SRP68: variants seen among roughly 807,000 people sequenced by gnomAD.
SRP68 encodes signal recognition particle subunit SRP68.
SRP68 carries 15 observed loss-of-function variants against 82.2 expected under a neutral mutation model. That is an observed-to-expected ratio of 0.18 (90% CI 0.12 to 0.28). The LOEUF (loss-of-function observed/expected upper bound fraction) is 0.28, where lower values mean the gene tolerates loss of function less well. Among genes scored for constraint, SRP68 ranks in the 10% least tolerant of loss-of-function variants. The pLI is 1.00. For missense variants in SRP68, 595 were observed against 780.5 expected (o/e 0.76, Z 2.83); for synonymous variants, 261 against 292.6 (o/e 0.89, Z 1.10).
At chr17:76,066,607 T>G (rs1192210708) in intron 3 of SRP68, among the ~76,000 whole-genome samples, 1 of 126,998 alleles carries the variant, frequency 7.9e-6, no homozygotes, top group Non-Finnish European at 1.7e-5. Flanking sequence ...TCCCAACAGG[T>G]TTTTTTTTTT....
intron 10 of SRP68, among the ~76,000 whole-genome samples, chr17:76,047,320 A>G (rs2066639434): frequency 6.6e-6 from 1 of 152,146 alleles, no homozygotes; most frequent in Non-Finnish European, 1.5e-5. Flanking sequence ...CATTTGCCTC[A>G]GCCTCCCAAA....
chr17:76,067,170 A>C (rs1344582692), intron 3 of SRP68, 47 bp downstream of exon 3: 1 of 1,349,302 alleles, frequency 7.4e-7, no homozygotes, highest in Non-Finnish European at 1.1e-6. Flanking sequence ...TGTTCAATAA[A>C]TGTATTAGCA....
At position 76,063,940 on chromosome 17, in the gene SRP68, C is replaced by T. The variant is rs756481245; in HGVS notation, c.561+36G>A. Reference sequence around the variant, plus strand: ...TGCAGCTTTTTAAAATGTCTTTAATCTCCACAATAAACAAGCTGAATGTTG... The same window carrying T: ...TGCAGCTTTTTAAAATGTCTTTAATTTCCACAATAAACAAGCTGAATGTTG... On this transcript the variant is annotated intron_variant, in intron 4 of 15. Transcript: ENST00000307877. The T allele has an allele frequency of 3.2e-6, 5 of 1,557,306 alleles. No individual in the cohort carries two copies. In the African/African-American group the frequency reaches 6.8e-5, roughly 21 times the overall value.
rs1222457330 is a variant in SRP68, at chr17:76,071,297, C to A, written c.185-853G>T. On this transcript the variant is annotated intron_variant, in intron 1 of 15. Coordinates refer to ENST00000307877, the MANE Select transcript of SRP68 (RefSeq NM_014230.4). The surrounding 1 kb of genome is among the most constrained non-coding windows in gnomAD (Gnocchi z 4.7). ...TTTGCATAAAAGTATTAAGGTTTTT[C>A]TTTCAAAAGAAGAATGGCCAGATTC... Among the ~76,000 whole-genome samples, 1 of 152,088 alleles carries A rather than the reference C, an allele frequency of 6.6e-6. No individual in the cohort carries two copies. The highest frequency in any genetic ancestry group is 1.9e-4 in the East Asian group (1 of 5,198).
intron 8 of SRP68, among the ~76,000 whole-genome samples, chr17:76,056,708 A>G (rs984568118): frequency 2.6e-5 from 4 of 152,180 alleles, no homozygotes; most frequent in Non-Finnish European, 1.5e-5. Context: ...GGTGCAAAAG[A>G]TAACTGTGAG....
intron 8 of SRP68, chr17:76,053,342 G>T (rs952977535): frequency 1.2e-5 from 5 of 410,666 alleles, no homozygotes; most frequent in African/African-American, 4.3e-5. Context: ...TACGGCGCCC[G>T]TTTTAATTCC....
At chr17:76,057,056 C>A (rs545866143) in intron 8 of SRP68, among the ~76,000 whole-genome samples, 3 of 152,308 alleles carry the variant, frequency 2.0e-5, no homozygotes, top group African/African-American at 7.2e-5. Flanking sequence ...TAGGAGGTTA[C>A]GACAACATGT....
chr17:76,043,847 G>C lies in SRP68; in HGVS notation c.1506C>G (p.Ala502=). The C allele has an allele frequency of 6.2e-7, 1 of 1,603,400 alleles. No homozygotes were observed. The highest frequency in any genetic ancestry group is 8.5e-7 in the Non-Finnish European group (1 of 1,177,152). ...CTCTCACCTTTAGGCTGTTCTTGAA[G>C]GCGCCAGCATCAGAATTTACTTCAT... The part of the protein sequence containing the change: ...YANEVNSDAG[A]FKNSLKDLPD... The change falls in exon 13 of 16, where the codon GCC becomes GCG. Residue 502 remains alanine, a synonymous_variant. Transcript: ENST00000307877.
Position 76,070,555 on chromosome 17 carries a change from A to G in SRP68, c.185-111T>C, listed in dbSNP as rs890752757. 18 of 956,548 alleles carry G rather than the reference A, an allele frequency of 1.9e-5. No homozygotes were observed. The African/African-American group carries it at 3.0e-4, about 16-fold the overall frequency. The allele number at this position is 956,548 out of a possible 1,614,324, so 59.3% of individuals were successfully genotyped here. ...CCACAACACATTAAACATTTGTGAA[A>G]TATAGCCAGGTACGGTGGCTCATGC... is the stretch of plus-strand genomic sequence containing the variant. On this transcript the variant is annotated intron_variant, in intron 1 of 15. Transcript: ENST00000307877.
rs192810565 is a variant in SRP68 at position 76,048,729 on chromosome 17, G to C, written c.1078-759C>G. ...CACTAGATTTCTGACCTCGAGAAGC[G>C]TAAGATAATACATTTGGATCATCTT... is the stretch of plus-strand genomic sequence containing the variant. On this transcript the variant is annotated intron_variant, in intron 9 of 15. Coordinates refer to ENST00000307877, the MANE Select transcript of SRP68 (RefSeq NM_014230.4). 9 of 152,374 alleles carry C rather than the reference G, an allele frequency of 5.9e-5. No homozygotes were observed. The East Asian group carries it at 1.2e-3, about 20-fold the overall frequency. 9.4% of individuals were successfully genotyped at this position (152,374 alleles called of 1,614,324 possible). A position where few individuals can be genotyped will look rare whatever the true frequency, so the allele number is the denominator to read the frequency against.
At chr17:76,059,326 C>T (rs1031910226) in intron 7 of SRP68, among the ~76,000 whole-genome samples, 1 of 152,066 alleles carries the variant, frequency 6.6e-6, no homozygotes, top group South Asian at 2.1e-4. Context: ...AGGTGGATCA[C>T]GAGGTTAGGA....
intron 2 of SRP68, 26 bp from the exon 3 acceptor site, chr17:76,067,356 A>C: frequency 1.2e-4 from 180 of 1,531,592 alleles, no homozygotes; most frequent in Non-Finnish European, 1.5e-4. Context: ...AACAAAACTC[A>C]CTCAGCCAAG....
At chr17:76,069,625 T>G (rs1185242076) in intron 2 of SRP68, among the ~76,000 whole-genome samples, 3 of 151,656 alleles carry the variant, frequency 2.0e-5, no homozygotes, top group Non-Finnish European at 4.4e-5. Context: ...AAGAATCACT[T>G]GAACCCGGGA....
intron 9 of SRP68, 71 bp from the exon 10 acceptor site, chr17:76,048,041 G>T: frequency 9.5e-7 from 1 of 1,055,674 alleles, no homozygotes; most frequent in Non-Finnish European, 1.4e-6. Flanking sequence ...CTCATGGAAT[G>T]GTGGGGTCTC....
intron 13 of SRP68, among the ~76,000 whole-genome samples, chr17:76,042,386 G>A (rs2066597949): frequency 6.6e-6 from 1 of 151,816 alleles, no homozygotes; most frequent in Non-Finnish European, 1.5e-5. Context: ...AGCGGATCAA[G>A]AGGCTTGATC....
At position 76,061,180 on chromosome 17, in the gene SRP68, C is replaced by T. The variant is rs755333255; in HGVS notation, c.684G>A (p.Glu228=). The T allele has an allele frequency of 1.2e-6, 2 of 1,614,040 alleles. No homozygotes were observed. The highest frequency in any genetic ancestry group is 1.7e-6 in the Non-Finnish European group (2 of 1,179,912). ...CACGTTGGTTATACAGCACAGCCTGCTCCTCTGTGAAAGCACTGGCTAGCT... is the reference window on the plus strand; with the variant it reads ...CACGTTGGTTATACAGCACAGCCTGTTCCTCTGTGAAAGCACTGGCTAGCT... ...YEKLASAFTE[E]QAVLYNQRVE... Residue 228 remains glutamate (E), a synonymous_variant, in exon 6 of 16, where the codon GAG becomes GAA. Coordinates refer to ENST00000307877, the MANE Select transcript of SRP68 (RefSeq NM_014230.4).
chr17:76,046,489 A>AC (rs1401247718), intron 10 of SRP68, among the ~76,000 whole-genome samples: 7 of 151,918 alleles, frequency 4.6e-5, no homozygotes, highest in African/African-American at 1.7e-4. Flanking sequence ...AAAAAACAAA[A>AC]AACAGAGAGT....
At chr17:76,050,985 C>T (rs1194902537) in intron 8 of SRP68, among the ~76,000 whole-genome samples, 2 of 152,062 alleles carry the variant, frequency 1.3e-5, no homozygotes, top group Non-Finnish European at 2.9e-5. Context: ...CTACTGTATG[C>T]CAACACAATT....
Position 76,055,807 on chromosome 17 carries a change from CTT to C in SRP68, c.978+1594_978+1595del, listed in dbSNP as rs1032113845. On this transcript the variant is annotated intron_variant, in intron 8 of 15. Transcript: ENST00000307877. ...TTTAAGTTATTAACTTTTTTTTCTT[CTT>C]TTTTTTTTTTTTTTTTTGGAGACAG... Among the ~76,000 whole-genome samples, 48 of 106,540 alleles carry C rather than the reference CTT, an allele frequency of 4.5e-4. No individual in the cohort carries two copies. The East Asian group carries it at 7.3e-3, about 16-fold the overall frequency. 69.9% of individuals were successfully genotyped at this position (106,540 alleles called of 152,430 possible). A position where few individuals can be genotyped will look rare whatever the true frequency, so the allele number is the denominator to read the frequency against.
Sources: allele counts gnomAD v4.1 joint callset (sites outside exome capture counted in the v4.1 genomes callset), GRCh38; gene constraint gnomAD v4.1.1; non-coding constraint Gnocchi (gnomAD v3.1); transcripts MANE v1.5; gene names NCBI Gene and HGNC (gene_info 2026-07-23, HGNC 2026-07-21).